Variants in TSPAN18 observed in about 807,000 individuals in gnomAD.
TSPAN18 encodes tetraspanin-18.
A neutral mutation model predicts 27.3 loss-of-function variants in TSPAN18; 14 were observed. That is an observed-to-expected ratio of 0.51 (90% confidence interval 0.34 to 0.80). The LOEUF is 0.80. Among genes scored for constraint, TSPAN18 ranks in the 30% least tolerant of loss-of-function variants. TSPAN18 has a pLI of 0.01. For synonymous variants in TSPAN18, 143 were observed against 136.5 expected (o/e 1.05, Z -0.33); for missense variants, 268 against 323.9 (o/e 0.83, Z 1.32).
chr11:44,897,872 C>G, intron 3 of TSPAN18: 2 of 1,288,980 alleles, frequency 1.6e-6, no homozygotes, highest in Non-Finnish European at 2.0e-6. Context: ...TGTACCTCTG[C>G]CCCATCACCT....
At chr11:44,919,365 T>C in intron 7 of TSPAN18, 53 bp downstream of exon 7, 1 of 1,459,608 alleles carries the variant, frequency 6.9e-7, no homozygotes. Context: ...ATGCCCAGTG[T>C]TCACATGCCC....
intron 8 of TSPAN18, among the ~76,000 whole-genome samples, chr11:44,923,534 C>G (rs1271599786): frequency 6.6e-6 from 1 of 152,142 alleles, no homozygotes; most frequent in Non-Finnish European, 1.5e-5. Flanking sequence ...CAGGGCCTGG[C>G]CCATAGGAGG....
intron 1 of TSPAN18, among the ~76,000 whole-genome samples, chr11:44,753,440 C>A (rs935250898): frequency 6.6e-6 from 1 of 152,172 alleles, no homozygotes; most frequent in South Asian, 2.1e-4. Flanking sequence ...CCAGCGCATC[C>A]ATTTTCAAAA....
chr11:44,740,305 C>A (rs1253631315), intron 1 of TSPAN18, among the ~76,000 whole-genome samples: 1 of 152,348 alleles, frequency 6.6e-6, no homozygotes, highest in Middle Eastern at 3.4e-3. Flanking sequence ...GCATCTCTAC[C>A]TTCCTCCATT....
At chr11:44,865,934 T>C (rs1455933661) in intron 3 of TSPAN18, among the ~76,000 whole-genome samples, 1 of 152,250 alleles carries the variant, frequency 6.6e-6, no homozygotes, top group Admixed American at 6.5e-5. Context: ...GGGAGTGGCC[T>C]GAGCCGAACC....
intron 2 of TSPAN18, among the ~76,000 whole-genome samples, chr11:44,784,227 T>A (rs758500853): frequency 3.9e-4 from 60 of 152,144 alleles, no homozygotes; most frequent in Non-Finnish European, 6.6e-4. Context: ...TGCCTTAGCT[T>A]CTAGGGAATG....
chr11:44,835,161 G>A (rs997571439), intron 2 of TSPAN18, among the ~76,000 whole-genome samples: 8 of 152,200 alleles, frequency 5.3e-5, no homozygotes, highest in African/African-American at 1.9e-4. Context: ...AGGCCTCTAA[G>A]GAAGAAACAC....
At chr11:44,885,177 A>G (rs898975238) in intron 3 of TSPAN18, among the ~76,000 whole-genome samples, 1 of 152,106 alleles carries the variant, frequency 6.6e-6, no homozygotes, top group African/African-American at 2.4e-5. Context: ...TGTTTGGCAC[A>G]TCCTCTCTTG....
At chr11:44,881,346 A>T (rs1858483987) in intron 3 of TSPAN18, among the ~76,000 whole-genome samples, 1 of 152,106 alleles carries the variant, frequency 6.6e-6, no homozygotes, top group Non-Finnish European at 1.5e-5. Flanking sequence ...AGACCCCTCG[A>T]ACCTCAGCCG....
chr11:44,911,618 G>A (rs1333176985), intron 5 of TSPAN18, among the ~76,000 whole-genome samples: 1 of 152,160 alleles, frequency 6.6e-6, no homozygotes, highest in Non-Finnish European at 1.5e-5. Flanking sequence ...AACAGACCCA[G>A]CCTCCCTTTC....
intron 3 of TSPAN18, chr11:44,897,918 C>T (rs1393785100): frequency 2.4e-6 from 3 of 1,236,290 alleles, no homozygotes; most frequent in Non-Finnish European, 3.2e-6. Flanking sequence ...CCTTTCCAAT[C>T]TGCCTGTTTG....
intron 1 of TSPAN18, among the ~76,000 whole-genome samples, chr11:44,764,058 G>A (rs981168081): frequency 6.6e-6 from 1 of 151,948 alleles, no homozygotes; most frequent in African/African-American, 2.4e-5. Context: ...AGAGAGAGAG[G>A]GGAAGGTGCT....
chr11:44,737,045 C>T (rs76984577), intron 1 of TSPAN18, among the ~76,000 whole-genome samples: 4,100 of 152,312 alleles, frequency 0.027, 70 homozygotes, highest in Middle Eastern at 0.044. Flanking sequence ...TGAACAGATG[C>T]TCACATGCTG....
At chr11:44,740,065 T>C (rs1854895303) in intron 1 of TSPAN18, among the ~76,000 whole-genome samples, 1 of 152,232 alleles carries the variant, frequency 6.6e-6, no homozygotes, top group Non-Finnish European at 1.5e-5. Context: ...CAGAGACACC[T>C]ATGGTAGGGT....
chr11:44,741,856 C>A (rs1403753488), intron 1 of TSPAN18, among the ~76,000 whole-genome samples: 2 of 152,216 alleles, frequency 1.3e-5, no homozygotes, highest in African/African-American at 4.8e-5. Context: ...TGGGAACGAC[C>A]TGCCAGGTTG....
chr11:44,804,110 T>C (rs1281425242), intron 2 of TSPAN18, among the ~76,000 whole-genome samples: 1 of 152,140 alleles, frequency 6.6e-6, no homozygotes, highest in Non-Finnish European at 1.5e-5. Flanking sequence ...TTTCTTTTTT[T>C]TTTCCCCCCA....
chr11:44,829,929 A>G (rs1223620230), intron 2 of TSPAN18, among the ~76,000 whole-genome samples: 1 of 152,210 alleles, frequency 6.6e-6, no homozygotes, highest in African/African-American at 2.4e-5. Context: ...AGACATTTTG[A>G]AACATGCAAT....
chr11:44,735,426 C>G (rs1052148965), intron 1 of TSPAN18, among the ~76,000 whole-genome samples: 10 of 152,208 alleles, frequency 6.6e-5, no homozygotes, highest in Admixed American at 6.5e-4. Flanking sequence ...CAGGAACATG[C>G]TCTGTCTGAG....
At chr11:44,764,774 A>C (rs1027049258) in intron 2 of TSPAN18, among the ~76,000 whole-genome samples, 12 of 152,228 alleles carry the variant, frequency 7.9e-5, no homozygotes, top group African/African-American at 2.9e-4. Flanking sequence ...GAGCCCTTCA[A>C]GGAAGAGTAG....
Sources: gnomAD v4.1 joint callset for allele counts (sites outside exome capture counted in the v4.1 genomes callset) on GRCh38, gnomAD v4.1.1 for gene constraint, MANE v1.5 for transcripts, NCBI Gene and HGNC (gene_info 2026-07-23, HGNC 2026-07-21) for gene names.